The following GHR variants were observed in gnomAD, a reference collection of about 807,000 sequenced individuals.
GHR encodes GH receptor.
Under a neutral mutation model 67.1 loss-of-function variants are expected in GHR, and 35 were observed. The observed-to-expected ratio is 0.52, with a 90% CI of 0.40 to 0.69. The LOEUF is 0.69. Among genes scored for constraint, GHR ranks in the 30% least tolerant of loss-of-function variants. GHR has a pLI of 0.00. For synonymous variants in GHR, 272 were observed against 269.1 expected (o/e 1.01, Z -0.10); for missense variants, 792 against 764.6 (o/e 1.04, Z -0.42).
intron 1 of GHR, among the ~76,000 whole-genome samples, chr5:42,431,899 C>T (rs1035856474): frequency 6.6e-6 from 1 of 152,062 alleles, no homozygotes; most frequent in African/African-American, 2.4e-5. Context: ...TGTACTTATC[C>T]ATGGTGGACA....
chr5:42,706,096 G>A (rs1201504676), intron 6 of GHR, among the ~76,000 whole-genome samples: 1 of 152,026 alleles, frequency 6.6e-6, no homozygotes, highest in Admixed American at 6.6e-5. Context: ...TCTGACTGCT[G>A]TGATGTAGTA....
chr5:42,640,784 A>G (rs58934290), intron 3 of GHR, among the ~76,000 whole-genome samples: 45,410 of 151,266 alleles, frequency 0.3, 7,674 homozygotes, highest in African/African-American at 0.46. Flanking sequence ...GTGTGTGTGT[A>G]TCTTTTAATT....
At chr5:42,626,041 T>A (rs1458979260) in intron 2 of GHR, among the ~76,000 whole-genome samples, 1 of 152,160 alleles carries the variant, frequency 6.6e-6, no homozygotes, top group Non-Finnish European at 1.5e-5. Flanking sequence ...TTGTAGGGCA[T>A]GACTCCCCAG....
Position 42,718,888 on chromosome 5 carries a change from A to G in GHR, c.1381A>G (p.Thr461Ala). The G allele has an allele frequency of 6.2e-7, 1 of 1,614,084 alleles. No homozygotes were observed. The highest frequency in any genetic ancestry group is 8.5e-7 in the Non-Finnish European group (1 of 1,179,970). Residue 461 changes from threonine to alanine, a missense_variant, in exon 10 of 10, where the codon ACT becomes GCT. Thr to Ala is a moderately conservative substitution (Grantham distance 58). Coordinates refer to ENST00000230882, the MANE Select transcript of GHR (RefSeq NM_000163.5). ...GAAAAACAAACCACAACCACTTCCT[A>G]CTGAAGGAGCTGAGTCAACTCACCA... ...AEKNKPQPLP[T>A]EGAESTHQAA...
chr5:42,550,160 T>A (rs903569689), intron 1 of GHR: 5 of 753,392 alleles, frequency 6.6e-6, no homozygotes, highest in Non-Finnish European at 6.5e-6. Flanking sequence ...TTGAAAATAG[T>A]GGCAGGCTGA....
At chr5:42,628,098 T>TC (rs549121701) in intron 2 of GHR, among the ~76,000 whole-genome samples, 10 of 152,080 alleles carry the variant, frequency 6.6e-5, no homozygotes, top group African/African-American at 2.4e-4. Context: ...ATGTTCCTCT[T>TC]CCCTCTCTCT....
chr5:42,522,644 T>A (rs758884025), intron 1 of GHR, among the ~76,000 whole-genome samples: 2 of 152,186 alleles, frequency 1.3e-5, no homozygotes, highest in Non-Finnish European at 2.9e-5. Flanking sequence ...AAAAAAGAGA[T>A]TGCTATCTAC....
At chr5:42,515,717 G>A (rs1254061026) in intron 1 of GHR, among the ~76,000 whole-genome samples, 1 of 152,216 alleles carries the variant, frequency 6.6e-6, no homozygotes, top group African/African-American at 2.4e-5. Flanking sequence ...TGTTTATTTA[G>A]CTGGAGAAAA....
Position 42,521,652 on chromosome 5 carries a change from T to G in GHR, c.-11-44212T>G, listed in dbSNP as rs191735559. On this transcript the variant is annotated intron_variant, in intron 1 of 9. Coordinates refer to ENST00000230882, the MANE Select transcript of GHR (RefSeq NM_000163.5). ...AAAAAGCAGATCACTGAAGCCACAC[T>G]TGGCACATATTACTTTGGCTTATTT... 2.7e-3 allele frequency among the ~76,000 whole-genome samples: 413 copies of G among 152,362 alleles called. 3 individuals are homozygous for G. The highest frequency in any genetic ancestry group is 3.1e-3 in the Non-Finnish European group (213 of 68,032).
Position 42,536,943 on chromosome 5 carries a change from G to A in GHR, c.-11-28921G>A, listed in dbSNP as rs182944870. Among the ~76,000 whole-genome samples, 520 of 152,022 alleles carry A rather than the reference G, an allele frequency of 3.4e-3. 1 individual carries two copies. The highest frequency in any genetic ancestry group is 0.012 in the African/African-American group (479 of 41,484). On this transcript the variant is annotated intron_variant, in intron 1 of 9. Coordinates refer to ENST00000230882, the MANE Select transcript of GHR (RefSeq NM_000163.5). ...ATCTCTTCTAGGTTTTCTAGTTTACGTGCACAAAGGTGTTCATAGTACTCT... is the reference window on the plus strand; with the variant it reads ...ATCTCTTCTAGGTTTTCTAGTTTACATGCACAAAGGTGTTCATAGTACTCT...
intron 8 of GHR, chr5:42,714,233 A>C (rs745884781): frequency 2.0e-5 from 3 of 152,136 alleles, no homozygotes; most frequent in Non-Finnish European, 4.4e-5. Context: ...TTAAAGTCCC[A>C]ATGGTTAATC....
At chr5:42,671,817 G>C (rs1453909092) in intron 3 of GHR, among the ~76,000 whole-genome samples, 1 of 151,628 alleles carries the variant, frequency 6.6e-6, no homozygotes, top group Non-Finnish European at 1.5e-5. Flanking sequence ...TTAGCCGGGC[G>C]TAGGGGCGGG....
At chr5:42,695,184 G>A in intron 5 of GHR, 95 bp downstream of exon 5, 1 of 843,794 alleles carries the variant, frequency 1.2e-6, no homozygotes, top group Non-Finnish European at 2.0e-6. Context: ...GGAAGACTTT[G>A]TAACAGTGTT....
chr5:42,599,581 G>A (rs1752258466), intron 2 of GHR, among the ~76,000 whole-genome samples: 1 of 151,872 alleles, frequency 6.6e-6, no homozygotes, highest in South Asian at 2.1e-4. Flanking sequence ...GGCTGGTCTT[G>A]AACTCCTGAC....
In GHR at chr5:42,656,610, C is replaced by T. The variant is rs116291786; in HGVS notation, c.136+27507C>T. 3.1e-3 allele frequency among the ~76,000 whole-genome samples: 477 copies of T among 152,166 alleles called. 2 individuals carry two copies. Among genetic ancestry groups the T allele is most frequent in the African/African-American group, 0.011 (462 of 41,564 alleles). On this transcript the variant is annotated intron_variant, in intron 3 of 9. Transcript: ENST00000230882. ...TGTATTGCCCTACCTGGCGAGGAAT[C>T]AGCAGTTATACAATTCAAAGTTGCA...
chr5:42,465,624 C>T (rs1054719486), intron 1 of GHR: 7 of 982,496 alleles, frequency 7.1e-6, no homozygotes, highest in Non-Finnish European at 1.2e-5. Context: ...TCTGTTAATT[C>T]ATCTTTGACA....
intron 1 of GHR, among the ~76,000 whole-genome samples, chr5:42,490,565 C>T (rs183852520): frequency 2.6e-5 from 4 of 152,274 alleles, no homozygotes; most frequent in Non-Finnish European, 2.9e-5. Flanking sequence ...TTAACATGGC[C>T]CCCAGTATCC....
At chr5:42,689,730 C>A (rs1464937884) in intron 4 of GHR, among the ~76,000 whole-genome samples, 1 of 152,138 alleles carries the variant, frequency 6.6e-6, no homozygotes, top group Non-Finnish European at 1.5e-5. Context: ...TAGGGACTGA[C>A]CATGCCAAAC....
At chr5:42,443,052 A>G (rs1019842044) in intron 1 of GHR, among the ~76,000 whole-genome samples, 1 of 152,102 alleles carries the variant, frequency 6.6e-6, no homozygotes, top group African/African-American at 2.4e-5. Context: ...GTCTTTTTGG[A>G]GGGGCAACAC....
Sources: allele counts gnomAD v4.1 joint callset (sites outside exome capture counted in the v4.1 genomes callset), GRCh38; gene constraint gnomAD v4.1.1; transcripts MANE v1.5; gene names NCBI Gene and HGNC (gene_info 2026-07-23, HGNC 2026-07-21).